PRICKLE1: variants seen among roughly 807,000 people sequenced by gnomAD.
The protein encoded by PRICKLE1 is prickle-like protein 1.
PRICKLE1 carries 14 observed loss-of-function variants against 70.2 expected under a neutral mutation model. The observed-to-expected ratio is 0.20, with a 90% CI of 0.13 to 0.31. PRICKLE1 has a LOEUF of 0.31. Ranked by LOEUF, PRICKLE1 falls within the 10% of genes least tolerant of loss-of-function variation. The probability of loss-of-function intolerance (pLI) is 1.00; values close to 1 mark genes in which losing one functional copy is unlikely to be tolerated. For synonymous variants in PRICKLE1, 357 were observed against 379.9 expected, an observed-to-expected ratio of 0.94 and a Z score of 0.70; for missense variants, 821 against 1,026.2, an observed-to-expected ratio of 0.80 and a Z score of 2.73.
chr12:42,478,678 G>A (rs1938668669), intron 1 of PRICKLE1, among the ~76,000 whole-genome samples: 2 of 150,736 alleles, frequency 1.3e-5, no homozygotes, highest in Non-Finnish European at 1.5e-5. Flanking sequence ...ATGGTCACAA[G>A]GGAGGTGAGA....
intron 1 of PRICKLE1, among the ~76,000 whole-genome samples, chr12:42,489,087 C>G (rs1297467912): frequency 6.6e-6 from 1 of 151,674 alleles, no homozygotes. Context: ...CCACGCCTGG[C>G]TAATTTTGTA....
intron 1 of PRICKLE1, among the ~76,000 whole-genome samples, chr12:42,533,715 A>C (rs901864393): frequency 6.6e-6 from 1 of 152,158 alleles, no homozygotes. Flanking sequence ...AAATACATAA[A>C]TTGGCAAAGA....
intron 1 of PRICKLE1, among the ~76,000 whole-genome samples, chr12:42,542,528 A>G (rs2120606559): frequency 1.3e-5 from 2 of 152,100 alleles, no homozygotes; most frequent in South Asian, 4.1e-4. Flanking sequence ...GTGCATGCCT[A>G]TAATCCCAGC....
chr12:42,492,209 C>T (rs1939119694), intron 1 of PRICKLE1, among the ~76,000 whole-genome samples: 2 of 152,122 alleles, frequency 1.3e-5, no homozygotes, highest in Non-Finnish European at 2.9e-5. Flanking sequence ...TCAAGTGATC[C>T]TCCCATCTCA....
At chr12:42,475,354 C>T (rs4768413) in intron 1 of PRICKLE1, among the ~76,000 whole-genome samples, 95,556 of 152,092 alleles carry the variant, frequency 0.63, 30,253 homozygotes, top group Admixed American at 0.67. Context: ...TTAATCACTG[C>T]ATCAAGCAAC....
At chr12:42,569,060 T>G (rs1940667199) in intron 1 of PRICKLE1, among the ~76,000 whole-genome samples, 1 of 152,224 alleles carries the variant, frequency 6.6e-6, no homozygotes, top group African/African-American at 2.4e-5. Flanking sequence ...AAATATGTCC[T>G]GAATATCCTT....
At chr12:42,493,597 TG>T (rs1939141832) in intron 1 of PRICKLE1, among the ~76,000 whole-genome samples, 1 of 152,202 alleles carries the variant, frequency 6.6e-6, no homozygotes, top group Non-Finnish European at 1.5e-5. Flanking sequence ...ACTAATACTC[TG>T]AGTAAACTAG....
intron 1 of PRICKLE1, among the ~76,000 whole-genome samples, chr12:42,499,366 T>G (rs1195383095): frequency 1.3e-5 from 2 of 152,230 alleles, no homozygotes; most frequent in East Asian, 1.9e-4. Context: ...AATAATATGC[T>G]TTGCTTTTCC....
At chr12:42,502,965 T>C (rs1185755841) in intron 1 of PRICKLE1, among the ~76,000 whole-genome samples, 1 of 152,236 alleles carries the variant, frequency 6.6e-6, no homozygotes, top group African/African-American at 2.4e-5. Context: ...TTCTTAACCC[T>C]GGTCTTGGCC....
At chr12:42,466,973 C>G (rs1180674134) in intron 5 of PRICKLE1, among the ~76,000 whole-genome samples, 2 of 152,192 alleles carry the variant, frequency 1.3e-5, no homozygotes, top group Non-Finnish European at 2.9e-5. Context: ...AACTCCTGGG[C>G]TTGAGCGATC....
At chr12:42,560,492 T>C (rs1282949726) in intron 1 of PRICKLE1, among the ~76,000 whole-genome samples, 1 of 146,894 alleles carries the variant, frequency 6.8e-6, no homozygotes, top group African/African-American at 2.7e-5. Flanking sequence ...TTATACCATT[T>C]CTATTATCTG....
At chr12:42,541,448 C>G (rs979987012) in intron 1 of PRICKLE1, among the ~76,000 whole-genome samples, 1 of 151,922 alleles carries the variant, frequency 6.6e-6, no homozygotes, top group South Asian at 2.1e-4. Context: ...TCAAGCAATC[C>G]TCCCACTTCA....
chr12:42,542,668 T>C (rs1224411725), intron 1 of PRICKLE1, among the ~76,000 whole-genome samples: 1 of 152,076 alleles, frequency 6.6e-6, no homozygotes, highest in Non-Finnish European at 1.5e-5. Context: ...ATAATAATAA[T>C]TTGTTTTGCC....
chr12:42,573,035 A>G (rs1301736216), intron 1 of PRICKLE1, among the ~76,000 whole-genome samples: 1 of 152,106 alleles, frequency 6.6e-6, no homozygotes, highest in Non-Finnish European at 1.5e-5. Flanking sequence ...TTTTTAAATC[A>G]GTTAATCCAG....
At chr12:42,485,675 A>T (rs1473431825) in intron 1 of PRICKLE1, among the ~76,000 whole-genome samples, 1 of 152,238 alleles carries the variant, frequency 6.6e-6, no homozygotes, top group Admixed American at 6.5e-5. Flanking sequence ...GAGTATCAGC[A>T]GGTGAATACA....
At chr12:42,586,405 T>C (rs570696842) in intron 1 of PRICKLE1, among the ~76,000 whole-genome samples, 4,240 of 151,642 alleles carry the variant, frequency 0.028, 79 homozygotes, top group Middle Eastern at 0.044. Context: ...TTTTTTTTTT[T>C]CCCCAGAGAT....
intron 1 of PRICKLE1, among the ~76,000 whole-genome samples, chr12:42,528,694 T>C (rs1333695826): frequency 6.6e-6 from 1 of 152,212 alleles, no homozygotes; most frequent in East Asian, 1.9e-4. Context: ...TTGATGTAAT[T>C]AGAAATGTTC....
chr12:42,554,572 A>T (rs1471595193), intron 1 of PRICKLE1, among the ~76,000 whole-genome samples: 2 of 152,226 alleles, frequency 1.3e-5, no homozygotes, highest in African/African-American at 4.8e-5. Flanking sequence ...TTTGCAGTTT[A>T]CAAGTTACTC....
intron 1 of PRICKLE1, among the ~76,000 whole-genome samples, chr12:42,568,805 A>G (rs1157840495): frequency 6.6e-6 from 1 of 152,144 alleles, no homozygotes; most frequent in Non-Finnish European, 1.5e-5. Context: ...TGAACATTGT[A>G]CTCAATAGGT....
Sources: gnomAD v4.1 joint callset for allele counts (sites outside exome capture counted in the v4.1 genomes callset) on GRCh38, gnomAD v4.1.1 for gene constraint, MANE v1.5 for transcripts, NCBI Gene and HGNC (gene_info 2026-07-23, HGNC 2026-07-21) for gene names.